Variants in RBFOX1 observed in about 807,000 individuals in gnomAD.
RBFOX1 encodes the protein RNA binding fox-1 homolog 1, also known as RNA binding protein fox-1 homolog 1.
Under a neutral mutation model 57.7 loss-of-function variants are expected in RBFOX1, and 8 were observed. The observed-to-expected ratio is 0.14, with a 90% confidence interval of 0.08 to 0.25. The LOEUF is 0.25. RBFOX1 is among the 10% of genes least tolerant of loss of function. The pLI, the probability that RBFOX1 is intolerant of heterozygous loss-of-function variation, is 1.00. For missense variants in RBFOX1, 611 were observed against 548.5 expected, an observed-to-expected ratio of 1.11 and a Z score of -1.14; for synonymous variants, 326 against 222.4, an observed-to-expected ratio of 1.47 and a Z score of -4.15.
rs540444129 is a variant in RBFOX1, at chr16:7,418,877, C to T, written c.28-99270C>T. Among the ~76,000 whole-genome samples, 39 of 86,028 alleles carry T rather than the reference C, an allele frequency of 4.5e-4. 2 individuals carry two copies. In the South Asian group the frequency reaches 0.014, roughly 32 times the overall value. The allele number at this position is 86,028 out of a possible 152,430, so 56.4% of individuals were successfully genotyped here. On this transcript the variant is annotated intron_variant, in intron 4 of 15. Coordinates refer to ENST00000550418, the MANE Select transcript of RBFOX1 (RefSeq NM_018723.4). ...TGACTCTTCCAGAGCCACTAAGAGT[C>T]GAGGTTTTTTTTTGTTGTTGTTTCT... is the stretch of plus-strand genomic sequence containing the variant.
intron 4 of RBFOX1, among the ~76,000 whole-genome samples, chr16:7,212,069 T>C (rs1411493565): frequency 6.6e-6 from 1 of 152,020 alleles, no homozygotes; most frequent in Admixed American, 6.6e-5. Context: ...AACAAGTCAC[T>C]GGAGTGATGA....
At chr16:5,597,695 A>G (rs756499015) in intron 2 of RBFOX1, among the ~76,000 whole-genome samples, 9 of 152,090 alleles carry the variant, frequency 5.9e-5, no homozygotes, top group Non-Finnish European at 1.2e-4. Flanking sequence ...AGCTTTAGGC[A>G]TTGCTGACAC....
intron 3 of RBFOX1, among the ~76,000 whole-genome samples, chr16:5,837,107 T>C (rs58822196): frequency 0.028 from 4,205 of 152,148 alleles, 169 homozygotes; most frequent in African/African-American, 0.092. Flanking sequence ...TCTAGCCTCC[T>C]TTCCCAACCC....
intron 3 of RBFOX1, among the ~76,000 whole-genome samples, chr16:7,046,131 T>A (rs573178714): frequency 2.0e-5 from 3 of 152,184 alleles, no homozygotes; most frequent in Non-Finnish European, 4.4e-5. Context: ...AAGGAAGCAT[T>A]GCCCTCAGTC....
At chr16:7,084,132 A>G (rs891951515) in intron 4 of RBFOX1, among the ~76,000 whole-genome samples, 4 of 152,184 alleles carry the variant, frequency 2.6e-5, no homozygotes, top group African/African-American at 9.7e-5. Flanking sequence ...GTATAATACA[A>G]TCAAAATATG....
At chr16:7,305,477 TC>T (rs1332269342) in intron 4 of RBFOX1, among the ~76,000 whole-genome samples, 3 of 152,150 alleles carry the variant, frequency 2.0e-5, no homozygotes, top group Non-Finnish European at 4.4e-5. Context: ...AGGATCTCCA[TC>T]CTATTCTATG....
At chr16:7,325,629 G>A (rs1000239134) in intron 4 of RBFOX1, among the ~76,000 whole-genome samples, 6 of 152,152 alleles carry the variant, frequency 3.9e-5, no homozygotes, top group Non-Finnish European at 7.4e-5. Context: ...GTCCTCCACT[G>A]AGATTTCCAA....
At chr16:5,788,328 C>G (rs1371541615) in intron 3 of RBFOX1, among the ~76,000 whole-genome samples, 1 of 152,170 alleles carries the variant, frequency 6.6e-6, no homozygotes, top group Non-Finnish European at 1.5e-5. Flanking sequence ...ACAAAAGCGT[C>G]TTTTGAAGGA....
chr16:6,119,954 C>A (rs913736082), intron 1 of RBFOX1, among the ~76,000 whole-genome samples: 1 of 152,212 alleles, frequency 6.6e-6, no homozygotes, highest in African/African-American at 2.4e-5. Flanking sequence ...CTCCTCTGCC[C>A]CAGCCCTTAG....
intron 4 of RBFOX1, among the ~76,000 whole-genome samples, chr16:7,321,023 T>C (rs1186182561): frequency 6.6e-6 from 1 of 151,738 alleles, no homozygotes; most frequent in Non-Finnish European, 1.5e-5. Context: ...ATAAGTACTT[T>C]TTATTAGTAA....
intron 3 of RBFOX1, among the ~76,000 whole-genome samples, chr16:5,767,034 G>C (rs2053805917): frequency 6.6e-6 from 1 of 152,178 alleles, no homozygotes; most frequent in Non-Finnish European, 1.5e-5. Flanking sequence ...TTTTCACTTT[G>C]TAGGAACTGA....
intron 14 of RBFOX1, among the ~76,000 whole-genome samples, chr16:7,692,884 T>A (rs908453286): frequency 2.0e-5 from 2 of 101,408 alleles, no homozygotes; most frequent in Non-Finnish European, 4.5e-5. Flanking sequence ...ACAGCACTTT[T>A]TCTTATTTTT....
intron 1 of RBFOX1, among the ~76,000 whole-genome samples, chr16:6,164,892 C>G (rs897896520): frequency 1.3e-5 from 2 of 152,052 alleles, no homozygotes; most frequent in African/African-American, 4.8e-5. Flanking sequence ...ATCACAGAAT[C>G]CTACGAAGTT....
intron 3 of RBFOX1, among the ~76,000 whole-genome samples, chr16:6,787,044 G>A (rs2082085220): frequency 6.6e-6 from 1 of 152,104 alleles, no homozygotes; most frequent in Non-Finnish European, 1.5e-5. Flanking sequence ...AAATACATTA[G>A]TTGATTTGAA....
chr16:5,410,921 T>G lies in RBFOX1; in HGVS notation c.220-56295T>G, dbSNP rs578140301. On this transcript the variant is annotated intron_variant, in intron 1 of 2. Coordinates refer to the RBFOX1 transcript ENST00000585867. ...CCACTTGTACTCTTTACATCTTGAT[T>G]GTTTTCATCTCTAACTGGGGATCAT... Among the ~76,000 whole-genome samples the G allele has an allele frequency of 1.2e-4, 19 of 152,374 alleles. No individual in the cohort carries two copies. The South Asian group carries it at 3.5e-3, about 28-fold the overall frequency.
At chr16:5,485,612 G>T (rs1182788694) in intron 2 of RBFOX1, among the ~76,000 whole-genome samples, 1 of 152,106 alleles carries the variant, frequency 6.6e-6, no homozygotes, top group Non-Finnish European at 1.5e-5. Flanking sequence ...ATTCACCATT[G>T]TCCTCATTTC....
rs114799212 is a variant in RBFOX1 at position 5,930,178 on chromosome 16, A to C, written c.351+62843A>C. Among the ~76,000 whole-genome samples, 458 of 150,378 alleles carry C rather than the reference A, an allele frequency of 3.0e-3. 1 individual carries two copies. The highest frequency in any genetic ancestry group is 0.011 in the African/African-American group (433 of 40,744). ...GGATTATAAGTGACAGAAACTCAACACCAAATAGCTTAAAAGAAAGAAGAA... is the reference window on the plus strand; with the variant it reads ...GGATTATAAGTGACAGAAACTCAACCCCAAATAGCTTAAAAGAAAGAAGAA... On this transcript the variant is annotated intron_variant, in intron 4 of 19. Coordinates refer to the RBFOX1 transcript ENST00000641259.
chr16:7,240,979 C>T (rs1481105517), intron 4 of RBFOX1, among the ~76,000 whole-genome samples: 1 of 152,210 alleles, frequency 6.6e-6, no homozygotes, highest in Non-Finnish European at 1.5e-5. Flanking sequence ...TCCCCCACAC[C>T]TTCCCAAACA....
chr16:6,851,269 C>T (rs2094046709), intron 3 of RBFOX1, among the ~76,000 whole-genome samples: 1 of 152,064 alleles, frequency 6.6e-6, no homozygotes, highest in African/African-American at 2.4e-5. Context: ...TTGCCGGGGT[C>T]AGGAGTGAGA....
Sources: allele counts gnomAD v4.1 joint callset (sites outside exome capture counted in the v4.1 genomes callset), GRCh38; gene constraint gnomAD v4.1.1; transcripts MANE v1.5; gene names NCBI Gene and HGNC (gene_info 2026-07-23, HGNC 2026-07-21).